Variants in TMEM184B observed in about 807,000 individuals in gnomAD.
The protein encoded by TMEM184B is transmembrane protein 184B, also known as putative MAPK-activating protein FM08.
Under a neutral mutation model 41.8 loss-of-function variants are expected in TMEM184B, and 17 were observed. The ratio of observed to expected loss-of-function variants is 0.41; its 90% CI spans 0.28 to 0.61. TMEM184B has a LOEUF of 0.61. Ranked by LOEUF, TMEM184B falls within the 20% of genes least tolerant of loss-of-function variation. TMEM184B has a pLI of 0.34. For synonymous variants in TMEM184B, 240 were observed against 229.5 expected, an observed-to-expected ratio of 1.05 and a Z score of -0.41; for missense variants, 393 against 557.8, an observed-to-expected ratio of 0.70 and a Z score of 2.98.
Position 38,225,385 on chromosome 22 carries a change from G to C in TMEM184B, c.787+39C>G, listed in dbSNP as rs2091402651. 1.3e-6 allele frequency: 2 copies of C among 1,531,416 alleles called. No homozygotes were observed. 94.9% of individuals were successfully genotyped at this position (1,531,416 alleles called of 1,614,324 possible). A position where few individuals can be genotyped will look rare whatever the true frequency, so the allele number is the denominator to read the frequency against. ...GGCAGCAGGAAGCGCAGAGGACAGG[G>C]TGGCATGGGCAGCCTCCAGGTGCTG... On this transcript the variant is annotated intron_variant, in intron 7 of 8. Transcript: ENST00000361906. This position sits in a 1 kb window ranked among gnomAD's most constrained non-coding sequence, Gnocchi z 4.4.
At position 38,219,971 on chromosome 22, in the gene TMEM184B, A is replaced by AAACTGTTCATTCCAGGAAGGAC. The variant is rs2091214881; in HGVS notation, c.*1497_*1498insGTCCTTCCTGGAATGAACAGTT. Reference sequence around the variant, plus strand: ...CTCTCCTCACAGGTGGCAGGGAGGGAACCTGTTCATTCCAGGAAGGACCAA... The same window carrying AAACTGTTCATTCCAGGAAGGAC: ...CTCTCCTCACAGGTGGCAGGGAGGGAAACTGTTCATTCCAGGAAGGACACCTGTTCATTCCAGGAAGGACCAA... On this transcript the variant is annotated 3_prime_UTR_variant, in exon 9 of 9. Coordinates refer to ENST00000361906, the MANE Select transcript of TMEM184B (RefSeq NM_012264.5). 1.0e-6 allele frequency: 1 copy of AAACTGTTCATTCCAGGAAGGAC among 985,266 alleles called. No homozygotes were observed. The highest frequency in any genetic ancestry group is 1.2e-6 in the Non-Finnish European group (1 of 829,966). The allele number at this position is 985,266 out of a possible 1,614,324, so 61.0% of individuals were successfully genotyped here.
chr22:38,257,548 T>C (rs970649664), intron 1 of TMEM184B, among the ~76,000 whole-genome samples: 7 of 152,046 alleles, frequency 4.6e-5, no homozygotes, highest in African/African-American at 1.7e-4. Context: ...TTCCAAACTC[T>C]CTCTCACTGA....
In TMEM184B at chr22:38,262,016, C is replaced by T. The variant is rs186944457; in HGVS notation, c.-59+10868G>A. On this transcript the variant is annotated intron_variant, in intron 1 of 8. Transcript: ENST00000361906. ...AATTCACCGAAGAGGCTGGACATAACCCAATGCCTGTCCACAGGAGAATGA... is the reference window on the plus strand; with the variant it reads ...AATTCACCGAAGAGGCTGGACATAATCCAATGCCTGTCCACAGGAGAATGA... Among the ~76,000 whole-genome samples the T allele has an allele frequency of 7.1e-4, 108 of 152,386 alleles. 2 individuals carry two copies. The highest frequency in any genetic ancestry group is 2.4e-3 in the African/African-American group (101 of 41,594).
At position 38,227,452 on chromosome 22, in the gene TMEM184B, C is replaced by T. The variant is rs548468216; in HGVS notation, c.526-582G>A. The stretch of plus-strand genomic sequence containing the variant: ...CCCGGGGCAAGGCTAGGGCCCTGCT[C>T]AAGGAACCAGCCACCGGGAAGCCGG... On this transcript the variant is annotated intron_variant, in intron 5 of 8. Transcript: ENST00000361906. Among the ~76,000 whole-genome samples the T allele has an allele frequency of 5.9e-5, 9 of 152,222 alleles. 1 individual carries two copies. The South Asian group carries it at 1.9e-3, about 32-fold the overall frequency.
At chr22:38,236,929 C>G (rs2091787032) in intron 3 of TMEM184B, among the ~76,000 whole-genome samples, 1 of 152,206 alleles carries the variant, frequency 6.6e-6, no homozygotes, top group African/African-American at 2.4e-5. Flanking sequence ...AGGCTTCTCC[C>G]TCGTGACTTT....
At position 38,230,661 on chromosome 22, in the gene TMEM184B, G is replaced by T; in HGVS notation, c.525+8C>A. 6.2e-7 allele frequency: 1 copy of T among 1,607,770 alleles called. No homozygotes were observed. On this transcript the variant is annotated splice_region_variant and intron_variant, in intron 5 of 8. Coordinates refer to ENST00000361906, the MANE Select transcript of TMEM184B (RefSeq NM_012264.5). ...CTCCTGAGCTAGGCAGCTGCTGGGG[G>T]CACACACCTGTTTGCAGAACCTCAG... is the stretch of plus-strand genomic sequence containing the variant.
At chr22:38,235,342 G>T (rs1440423853) in intron 3 of TMEM184B, among the ~76,000 whole-genome samples, 1 of 152,232 alleles carries the variant, frequency 6.6e-6, no homozygotes. Flanking sequence ...TCCCGGGAGA[G>T]CCCATCCCTG....
intron 8 of TMEM184B, 140 bp downstream of exon 8, chr22:38,224,645 G>A: frequency 1.2e-6 from 1 of 818,294 alleles, no homozygotes; most frequent in Non-Finnish European, 1.8e-6. Context: ...GACCTCTGTG[G>A]CCCCATTCCT....
intron 3 of TMEM184B, 130 bp from the exon 4 acceptor site, chr22:38,231,464 A>C: frequency 1.2e-6 from 1 of 813,660 alleles, no homozygotes; most frequent in Middle Eastern, 2.6e-4. Flanking sequence ...GCTGGGGGAC[A>C]TAAGGTTGTG....
intron 1 of TMEM184B, among the ~76,000 whole-genome samples, chr22:38,252,015 T>A (rs562351447): frequency 6.6e-6 from 1 of 150,442 alleles, no homozygotes; most frequent in East Asian, 2.0e-4. Context: ...CCCACCTCAG[T>A]CTCCCAAGCA....
rs576960840 is a variant in TMEM184B, at chr22:38,228,329, C to T, written c.526-1459G>A. On this transcript the variant is annotated intron_variant, in intron 5 of 8. Transcript: ENST00000361906. ...TTTCCCTGGGTCAGCTCACCTGGTACTCATGACAGCCCCCTGACGTGGGTG... is the reference window on the plus strand; with the variant it reads ...TTTCCCTGGGTCAGCTCACCTGGTATTCATGACAGCCCCCTGACGTGGGTG... 2.6e-5 allele frequency among the ~76,000 whole-genome samples: 4 copies of T among 152,322 alleles called. No individual in the cohort carries two copies. In the South Asian group the frequency reaches 8.3e-4, roughly 32 times the overall value.
chr22:38,232,044 AC>A (rs1200736719), intron 3 of TMEM184B: 1 of 156,520 alleles, frequency 6.4e-6, no homozygotes, highest in African/African-American at 2.4e-5. Flanking sequence ...CTTGTGTGTT[AC>A]AGGTCACAAT....
In TMEM184B at chr22:38,221,082, CCGA is replaced by C. The variant is rs1440730164; in HGVS notation, c.*384_*386del. ...CGGTGTGTGGGGGAGCCACGGCTTG[CCGA>C]CCTCAGCCTGAGAGTCTCGCGGGGA... On this transcript the variant is annotated 3_prime_UTR_variant, in exon 9 of 9. Coordinates refer to ENST00000361906, the MANE Select transcript of TMEM184B (RefSeq NM_012264.5). 1 of 1,064,176 alleles carries C rather than the reference CCGA, an allele frequency of 9.4e-7. No homozygotes were observed. The highest frequency in any genetic ancestry group is 1.1e-6 in the Non-Finnish European group (1 of 879,484). The allele number at this position is 1,064,176 out of a possible 1,614,324, so 65.9% of individuals were successfully genotyped here. A position where few individuals can be genotyped will look rare whatever the true frequency, so the allele number is the denominator to read the frequency against.
At position 38,245,922 on chromosome 22, in the gene TMEM184B, T is replaced by G; in HGVS notation, c.358+13A>C. The G allele has an allele frequency of 1.6e-6, 2 of 1,249,762 alleles. No homozygotes were observed. The highest frequency in any genetic ancestry group is 1.9e-5 in the Admixed American group (1 of 52,400). The allele number at this position is 1,249,762 out of a possible 1,614,324, so 77.4% of individuals were successfully genotyped here. Reference sequence around the variant, plus strand: ...CCCCCCGCCAGCCCTCCCCACTCCGTCCCCATCCTCACCCTCATAGCAGTC... The same window carrying G: ...CCCCCCGCCAGCCCTCCCCACTCCGGCCCCATCCTCACCCTCATAGCAGTC... On this transcript the variant is annotated intron_variant, in intron 3 of 8. Coordinates refer to ENST00000361906, the MANE Select transcript of TMEM184B (RefSeq NM_012264.5).
intron 1 of TMEM184B, among the ~76,000 whole-genome samples, chr22:38,260,589 C>T (rs2092355918): frequency 6.6e-6 from 1 of 152,036 alleles, no homozygotes; most frequent in African/African-American, 2.4e-5. Flanking sequence ...GCAAGTTACA[C>T]AACCTCTCCT....
Position 38,247,819 on chromosome 22 carries a change from G to A in TMEM184B, c.143C>T (p.Ala48Val), listed in dbSNP as rs929603856. The change falls in exon 2 of 9, where the codon GCC becomes GTC. Residue 48 changes from alanine (A) to valine (V), a missense_variant. By Grantham distance (64) the Ala-to-Val change is moderately conservative (BLOSUM62 0). Transcript: ENST00000361906. The stretch of plus-strand genomic sequence containing the variant: ...CGTCCACACGAAGAAGCCAGAGATG[G>A]CCTGAGCGGCAGTTGTCATCAGGAA... ...PVFLMTTAAQ[A>V]ISGFFVWTAL... The A allele has an allele frequency of 6.2e-7, 1 of 1,614,020 alleles. No individual in the cohort carries two copies. Among genetic ancestry groups the A allele is most frequent in the Non-Finnish European group, 8.5e-7 (1 of 1,180,008 alleles).
rs549541181 is a variant in TMEM184B, at chr22:38,224,916, G to A, written c.851C>T (p.Ser284Leu). 26 of 1,611,666 alleles carry A rather than the reference G, an allele frequency of 1.6e-5. No individual in the cohort carries two copies. Among genetic ancestry groups the A allele is most frequent in the Non-Finnish European group, 2.1e-5 (25 of 1,179,062 alleles). ...GGCAGCCACGGTGCCCTCGCCCACC[G>A]ACACGCGGGCCGAGTGGATTTTGGG... Reference protein sequence around the residue: ...AIPKIHSARVSVGEGTVAAGY... With the variant: ...AIPKIHSARVLVGEGTVAAGY... Residue 284 changes from serine (S) to leucine (L), a missense_variant, in exon 8 of 9, where the codon TCG (serine) becomes TTG (leucine). Physicochemically the swap from Ser to Leu is moderately radical, Grantham distance 145. Around this residue, in one of 2 missense-constraint regions of TMEM184B, gnomAD observed 271 missense variants for 434.1 expected, o/e 0.62. Coordinates refer to ENST00000361906, the MANE Select transcript of TMEM184B (RefSeq NM_012264.5).
At chr22:38,219,247 A>G (rs1221190254), downstream of TMEM184B, 1 of 985,372 alleles carries the variant, frequency 1.0e-6, no homozygotes, top group African/African-American at 1.7e-5. Flanking sequence ...CCAAAGCCAG[A>G]GCAGGGGGCA....
intron 3 of TMEM184B, among the ~76,000 whole-genome samples, chr22:38,242,088 G>A (rs971749220): frequency 3.9e-5 from 6 of 151,946 alleles, no homozygotes; most frequent in Admixed American, 1.3e-4. Flanking sequence ...AGTTAGGGGA[G>A]TTTCGTGTTT....
Sources: allele counts gnomAD v4.1 joint callset (sites outside exome capture counted in the v4.1 genomes callset), GRCh38; gene constraint gnomAD v4.1.1; regional missense constraint gnomAD v4.1.1; non-coding constraint Gnocchi (gnomAD v3.1); transcripts MANE v1.5; gene names NCBI Gene and HGNC (gene_info 2026-07-23, HGNC 2026-07-21).